DAB1: variants seen among roughly 807,000 people sequenced by gnomAD.
DAB1 encodes the protein DAB adaptor protein 1, also known as disabled homolog 1.
DAB1 carries 15 observed loss-of-function variants against 64.6 expected under a neutral mutation model. The ratio of observed to expected loss-of-function variants is 0.23; its 90% CI spans 0.16 to 0.36. The LOEUF (loss-of-function observed/expected upper bound fraction) is 0.36. Among genes scored for constraint, DAB1 ranks in the 10% least tolerant of loss-of-function variants. The pLI, the probability that DAB1 is intolerant of heterozygous loss-of-function variation, is 1.00. For missense variants in DAB1, 596 were observed against 706.7 expected (o/e 0.84, Z 1.78); for synonymous variants, 235 against 251.9 (o/e 0.93, Z 0.64).
rs1207687622 is a variant in DAB1 at position 57,069,394 on chromosome 1, A to G, written c.629T>C (p.Ile210Thr). ...GTTTTCTTCCGTTTCGGGATCACGG[A>G]TTGGCTCGTGTCCAGCCTCAAACAC... is the stretch of plus-strand genomic sequence containing the variant. ...YIVFEAGHEP[I>T]RDPETEENIY... The change falls in exon 8 of 15, where the codon ATC becomes ACC. Residue 210 changes from isoleucine to threonine, a missense_variant. Physicochemically the swap from Ile to Thr is moderately conservative, Grantham distance 89 (BLOSUM62 -1). Around this residue, in one of 3 missense-constraint regions of DAB1, gnomAD observed 176 missense variants for 266.7 expected, o/e 0.66. Coordinates refer to ENST00000371236, the MANE Select transcript of DAB1 (RefSeq NM_001365792.1). The G allele has an allele frequency of 3.7e-6, 6 of 1,613,628 alleles. No homozygotes were observed. The East Asian group carries it at 1.3e-4, about 36-fold the overall frequency.
intron 1 of DAB1, among the ~76,000 whole-genome samples, chr1:57,840,379 A>G (rs1353460402): frequency 6.6e-6 from 1 of 152,194 alleles, no homozygotes; most frequent in African/African-American, 2.4e-5. Flanking sequence ...CCAGACTGTG[A>G]GATCAGCATA....
intron 6 of DAB1, among the ~76,000 whole-genome samples, chr1:57,718,220 TA>T (rs1647108196): frequency 1.3e-5 from 2 of 152,216 alleles, no homozygotes; most frequent in Non-Finnish European, 2.9e-5. Flanking sequence ...TACCCTCATT[TA>T]ATCCTTACAC....
intron 5 of DAB1, among the ~76,000 whole-genome samples, chr1:58,144,349 C>T (rs1213737960): frequency 2.6e-5 from 4 of 152,060 alleles, no homozygotes; most frequent in Non-Finnish European, 5.9e-5. Context: ...ACAGTCCTTT[C>T]TTTCTTACTT....
intron 4 of DAB1, among the ~76,000 whole-genome samples, chr1:58,324,457 C>T (rs1662774544): frequency 6.6e-6 from 1 of 152,158 alleles, no homozygotes; most frequent in Admixed American, 6.5e-5. Flanking sequence ...CCCAGTTGCT[C>T]TTGAGAAGAC....
intron 1 of DAB1, among the ~76,000 whole-genome samples, chr1:57,293,766 A>AT (rs35519088): frequency 0.38 from 57,629 of 151,922 alleles, 11,360 homozygotes; most frequent in Admixed American, 0.54. Context: ...ATTTTCAAGA[A>AT]TTTTTTAAAA....
intron 4 of DAB1, among the ~76,000 whole-genome samples, chr1:58,338,034 C>A (rs775476625): frequency 9.9e-5 from 15 of 151,456 alleles, no homozygotes; most frequent in African/African-American, 3.4e-4. Flanking sequence ...AAAAAAATAG[C>A]CACTAACATT....
At chr1:57,326,154 C>G (rs1274894732) in intron 1 of DAB1, among the ~76,000 whole-genome samples, 1 of 152,222 alleles carries the variant, frequency 6.6e-6, no homozygotes, top group Non-Finnish European at 1.5e-5. Context: ...AAAGCTACAC[C>G]ATAAGGTGAC....
intron 3 of DAB1, chr1:58,468,407 C>T (rs367730335): frequency 6.6e-6 from 1 of 152,162 alleles, no homozygotes; most frequent in African/African-American, 2.4e-5. Flanking sequence ...ATCTCTAATT[C>T]GTTCATTTTG....
chr1:57,130,029 A>G (rs959617868), intron 4 of DAB1, among the ~76,000 whole-genome samples: 6 of 151,798 alleles, frequency 4.0e-5, no homozygotes, highest in African/African-American at 1.5e-4. Flanking sequence ...TAAATGATCC[A>G]GGGTACCTTG....
At chr1:57,547,589 C>T (rs1644869906) in intron 7 of DAB1, among the ~76,000 whole-genome samples, 3 of 152,132 alleles carry the variant, frequency 2.0e-5, no homozygotes, top group Admixed American at 2.0e-4. Context: ...TTCAGAAGAA[C>T]CCCAGAGACA....
At chr1:57,429,473 A>T (rs1311590500) in intron 7 of DAB1, among the ~76,000 whole-genome samples, 2 of 152,054 alleles carry the variant, frequency 1.3e-5, no homozygotes, top group Non-Finnish European at 2.9e-5. Context: ...TTCCTTTGCT[A>T]TGAAAAAGTT....
At chr1:57,040,466 C>T (rs1180275610) in intron 9 of DAB1, among the ~76,000 whole-genome samples, 2 of 152,152 alleles carry the variant, frequency 1.3e-5, no homozygotes, top group Non-Finnish European at 2.9e-5. Context: ...GTAGAAGCTT[C>T]CTGATTCTAA....
chr1:58,072,317 A>G (rs1039716491), intron 5 of DAB1, among the ~76,000 whole-genome samples: 1 of 152,212 alleles, frequency 6.6e-6, no homozygotes, highest in Non-Finnish European at 1.5e-5. Context: ...CACAACTACT[A>G]TCTCATATTA....
intron 3 of DAB1, among the ~76,000 whole-genome samples, chr1:58,408,259 T>C (rs1314191587): frequency 3.3e-5 from 5 of 152,180 alleles, no homozygotes; most frequent in Non-Finnish European, 5.9e-5. Flanking sequence ...TTTGTCTGGA[T>C]TATTCTTCCC....
At chr1:57,129,325 AT>A (rs1182493761) in intron 4 of DAB1, among the ~76,000 whole-genome samples, 8 of 152,052 alleles carry the variant, frequency 5.3e-5, no homozygotes, top group African/African-American at 2.4e-5. Context: ...CTACGAATTG[AT>A]TTTTTTTATT....
intron 4 of DAB1, among the ~76,000 whole-genome samples, chr1:58,327,360 C>T (rs1662857670): frequency 1.3e-5 from 2 of 152,116 alleles, no homozygotes; most frequent in South Asian, 4.1e-4. Flanking sequence ...AGTTCTCAGG[C>T]TGTAATGTTA....
chr1:57,427,667 G>C, upstream of DAB1, among the ~76,000 whole-genome samples: 1 of 152,090 alleles, frequency 6.6e-6, no homozygotes, highest in East Asian at 1.9e-4. Flanking sequence ...ATTTTATGCT[G>C]TAAACTATGG....
chr1:57,125,775 TG>T (rs1427111645), intron 4 of DAB1, among the ~76,000 whole-genome samples: 1 of 152,180 alleles, frequency 6.6e-6, no homozygotes. Flanking sequence ...TGGAATAAAG[TG>T]GGTTGTATCA....
chr1:58,300,610 A>AAG (rs770388855), intron 4 of DAB1, among the ~76,000 whole-genome samples: 12 of 47,058 alleles, frequency 2.6e-4, no homozygotes, highest in Admixed American at 3.9e-4. Flanking sequence ...GAAAGAAAGA[A>AAG]AGAGAGAGAG....
Sources: allele counts gnomAD v4.1 joint callset (sites outside exome capture counted in the v4.1 genomes callset), GRCh38; gene constraint gnomAD v4.1.1; regional missense constraint gnomAD v4.1.1; transcripts MANE v1.5; gene names NCBI Gene and HGNC (gene_info 2026-07-23, HGNC 2026-07-21).